The following GSPT1 variants were observed in gnomAD, a reference collection of about 807,000 sequenced individuals.
GSPT1 encodes eukaryotic peptide chain release factor GTP-binding subunit ERF3A.
Under a neutral mutation model 72.5 loss-of-function variants are expected in GSPT1, and 20 were observed. The ratio of observed to expected loss-of-function variants is 0.28; its 90% confidence interval spans 0.19 to 0.40. The LOEUF (loss-of-function observed/expected upper bound fraction) is 0.40, where lower values mean the gene tolerates loss of function less well. Among genes scored for constraint, GSPT1 ranks in the 10% least tolerant of loss-of-function variants. The probability of loss-of-function intolerance (pLI) is 1.00; values close to 1 mark genes in which losing one functional copy is unlikely to be tolerated. For synonymous variants in GSPT1, 334 were observed against 293.5 expected (o/e 1.14, Z -1.41); for missense variants, 580 against 811.9 (o/e 0.71, Z 3.47).
At chr16:11,912,600 C>T (rs146346583) in intron 1 of GSPT1, among the ~76,000 whole-genome samples, 1 of 152,158 alleles carries the variant, frequency 6.6e-6, no homozygotes, top group Non-Finnish European at 1.5e-5. Flanking sequence ...CACATCATTA[C>T]TTTAGAAGCT....
Position 11,876,021 on chromosome 16 carries a change from C to T in GSPT1, c.1692+65G>A, listed in dbSNP as rs541376565. On this transcript the variant is annotated intron_variant, in intron 13 of 14. Coordinates refer to ENST00000434724, the MANE Select transcript of GSPT1 (RefSeq NM_002094.4). ...TAGAAATAAAAGTGCATCACTGTTGCTGATTAGAAATTATGAAGATAAAAC... is the reference window on the plus strand; with the variant it reads ...TAGAAATAAAAGTGCATCACTGTTGTTGATTAGAAATTATGAAGATAAAAC... 2,042 of 1,446,854 alleles carry T rather than the reference C, an allele frequency of 1.4e-3. 4 individuals carry two copies. Among genetic ancestry groups the T allele is most frequent in the Non-Finnish European group, 1.6e-3 (1,600 of 1,030,998 alleles). 89.6% of individuals were successfully genotyped at this position (1,446,854 alleles called of 1,614,324 possible).
chr16:11,905,493 T>C (rs2054477411), intron 1 of GSPT1, among the ~76,000 whole-genome samples: 1 of 152,162 alleles, frequency 6.6e-6, no homozygotes, highest in Non-Finnish European at 1.5e-5. Flanking sequence ...CCTGAAGGGC[T>C]AATGATCACT....
chr16:11,915,412 G>T lies in GSPT1; in HGVS notation c.309C>A (p.Ala103=), dbSNP rs750716444. The T allele has an allele frequency of 1.9e-5, 28 of 1,509,108 alleles. No individual in the cohort carries two copies. Among genetic ancestry groups the T allele is most frequent in the Non-Finnish European group, 2.5e-5 (28 of 1,133,226 alleles). 93.5% of individuals were successfully genotyped at this position (1,509,108 alleles called of 1,614,324 possible). Residue 103 remains alanine (A), a synonymous_variant, in exon 1 of 15, where the codon GCC becomes GCA. Transcript: ENST00000434724. The part of the protein sequence containing the change: ...PAAPPPPVGG[A]ANNHGAGSGA... The stretch of plus-strand genomic sequence containing the variant: ...CGCTGCCGGCTCCGTGGTTATTGGC[G>T]GCGCCGCCAACTGGGGGTGGCGGCG...
At chr16:11,899,427 C>G (rs894992492) in intron 1 of GSPT1, among the ~76,000 whole-genome samples, 1 of 151,902 alleles carries the variant, frequency 6.6e-6, no homozygotes, top group African/African-American at 2.4e-5. Flanking sequence ...ACCCCACAGG[C>G]AGGAAGACCC....
Position 11,868,789 on chromosome 16 carries a change from ACAG to A in GSPT1, c.*4327_*4329del, listed in dbSNP as rs1397445238. 1 of 152,224 alleles carries A rather than the reference ACAG, an allele frequency of 6.6e-6. No individual in the cohort carries two copies. Among genetic ancestry groups the A allele is most frequent in the African/African-American group, 2.4e-5 (1 of 41,464 alleles). 9.4% of individuals were successfully genotyped at this position (152,224 alleles called of 1,614,324 possible). A position where few individuals can be genotyped will look rare whatever the true frequency, so the allele number is the denominator to read the frequency against. On this transcript the variant is annotated 3_prime_UTR_variant, in exon 15 of 15. Transcript: ENST00000434724. ...AGGTTTCCACATCGTTTTAAAGGGCACAGTGGCAAATGTGACAAGGCAGAAAAC... is the reference window on the plus strand; with the variant it reads ...AGGTTTCCACATCGTTTTAAAGGGCATGGCAAATGTGACAAGGCAGAAAAC...
chr16:11,880,287 G>GT (rs1238242229), intron 11 of GSPT1: 1 of 152,116 alleles, frequency 6.6e-6, no homozygotes, highest in Non-Finnish European at 1.5e-5. Flanking sequence ...AATAATACAT[G>GT]TATGAACATG....
chr16:11,892,506 C>CAAAAAAAAAAAAAAAAAAAAAAAAAA (rs777010436), intron 5 of GSPT1, among the ~76,000 whole-genome samples: 3 of 60,252 alleles, frequency 5.0e-5, no homozygotes, highest in African/African-American at 2.4e-4. Context: ...GACCCTTTCT[C>CAAAAAAAAAAAAAAAAAAAAAAAAAA]AAAAAAACAA....
At chr16:11,887,013 T>A in intron 7 of GSPT1, 82 bp from the exon 8 acceptor site, 1 of 929,022 alleles carries the variant, frequency 1.1e-6, no homozygotes, top group Non-Finnish European at 1.6e-6. Context: ...CTTTCAGTTA[T>A]ATCACGAGTT....
upstream of GSPT1, among the ~76,000 whole-genome samples, chr16:11,916,591 T>C (rs1278130112): frequency 6.6e-6 from 1 of 152,238 alleles, no homozygotes; most frequent in Non-Finnish European, 1.5e-5. Flanking sequence ...GATTTCATTT[T>C]ATGTAATCAT....
intron 1 of GSPT1, among the ~76,000 whole-genome samples, chr16:11,906,498 G>T (rs919567435): frequency 7.2e-5 from 11 of 152,098 alleles, no homozygotes; most frequent in African/African-American, 2.7e-4. Flanking sequence ...GCCAGGCGTG[G>T]AGGCATACAA....
intron 1 of GSPT1, among the ~76,000 whole-genome samples, chr16:11,909,917 C>A (rs886134521): frequency 6.6e-6 from 1 of 150,774 alleles, no homozygotes. Context: ...GAGCGAAACT[C>A]CATCTCAAAA....
At chr16:11,905,605 C>T (rs776267900) in intron 1 of GSPT1, among the ~76,000 whole-genome samples, 8 of 152,058 alleles carry the variant, frequency 5.3e-5, no homozygotes, top group South Asian at 2.1e-4. Context: ...GAGGCCAAGG[C>T]GGGCAGATAA....
At chr16:11,909,794 G>C (rs1190691373) in intron 1 of GSPT1, among the ~76,000 whole-genome samples, 3 of 151,980 alleles carry the variant, frequency 2.0e-5, no homozygotes, top group African/African-American at 7.3e-5. Flanking sequence ...GCGTGGTGGC[G>C]GGCACCTGTA....
chr16:11,907,712 C>T (rs62038798), intron 1 of GSPT1, among the ~76,000 whole-genome samples: 65,461 of 151,992 alleles, frequency 0.43, 16,895 homozygotes, highest in Non-Finnish European at 0.59. Flanking sequence ...CTGTGAGTGA[C>T]CTTAGGCATT....
chr16:11,876,935 T>A (rs2054055976), intron 12 of GSPT1, among the ~76,000 whole-genome samples: 1 of 152,210 alleles, frequency 6.6e-6, no homozygotes, highest in South Asian at 2.1e-4. Context: ...CTAACTTGAT[T>A]AGTTGTCATA....
intron 11 of GSPT1, among the ~76,000 whole-genome samples, chr16:11,878,229 C>T (rs964324630): frequency 1.3e-5 from 2 of 152,128 alleles, no homozygotes; most frequent in African/African-American, 4.8e-5. Context: ...CATTCTCCTG[C>T]CTCAGCCTCC....
Position 11,873,070 on chromosome 16 carries a change from C to G in GSPT1, c.*49G>C. ...AGAGAAGGCGGTGTGAAGTAGGCTTCTGCAGTCAATTTTCCTCACAGTATT... is the reference window on the plus strand; with the variant it reads ...AGAGAAGGCGGTGTGAAGTAGGCTTGTGCAGTCAATTTTCCTCACAGTATT... On this transcript the variant is annotated 3_prime_UTR_variant, in exon 15 of 15. Transcript: ENST00000434724. 9.9e-7 allele frequency: 1 copy of G among 1,010,478 alleles called. No homozygotes were observed. The highest frequency in any genetic ancestry group is 1.5e-6 in the Non-Finnish European group (1 of 651,026). The allele number at this position is 1,010,478 out of a possible 1,614,324, so 62.6% of individuals were successfully genotyped here.
chr16:11,890,619 G>T (rs892057982), intron 6 of GSPT1, among the ~76,000 whole-genome samples: 1 of 152,054 alleles, frequency 6.6e-6, no homozygotes, highest in African/African-American at 2.4e-5. Context: ...AAAGTTGACT[G>T]TCTCACCATT....
In GSPT1 at chr16:11,877,670, G is replaced by A; in HGVS notation, c.1429-90C>T. On this transcript the variant is annotated intron_variant, in intron 11 of 14. Coordinates refer to ENST00000434724, the MANE Select transcript of GSPT1 (RefSeq NM_002094.4). The surrounding 1 kb of genome is among the most constrained non-coding windows in gnomAD (Gnocchi z 4.0). ...TCTGAATGTCTGTCTGCTCAATAAAGAGTTGCAAGATTTGACTGTAAACAC... is the reference window on the plus strand; with the variant it reads ...TCTGAATGTCTGTCTGCTCAATAAAAAGTTGCAAGATTTGACTGTAAACAC... 1.3e-6 allele frequency: 1 copy of A among 754,076 alleles called. No individual in the cohort carries two copies. Among genetic ancestry groups the A allele is most frequent in the Non-Finnish European group, 2.0e-6 (1 of 490,528 alleles). The allele number at this position is 754,076 out of a possible 1,614,324, so 46.7% of individuals were successfully genotyped here.
Sources: allele counts gnomAD v4.1 joint callset (sites outside exome capture counted in the v4.1 genomes callset), GRCh38; gene constraint gnomAD v4.1.1; non-coding constraint Gnocchi (gnomAD v3.1); transcripts MANE v1.5; gene names NCBI Gene and HGNC (gene_info 2026-07-23, HGNC 2026-07-21).